TRPM5: variants seen among roughly 807,000 people sequenced by gnomAD.
TRPM5 encodes the protein transient receptor potential cation channel subfamily M member 5.
Under a neutral mutation model 124.9 loss-of-function variants are expected in TRPM5, and 121 were observed. The observed-to-expected ratio is 0.97, with a 90% CI of 0.84 to 1.13. The LOEUF (loss-of-function observed/expected upper bound fraction) is 1.13, where lower values mean the gene tolerates loss of function less well. Ranked by LOEUF, TRPM5 falls within the 50% of genes most tolerant of loss-of-function variation. The probability of loss-of-function intolerance (pLI) is 0.00; values close to 1 mark genes in which losing one functional copy is unlikely to be tolerated. For missense variants in TRPM5, 1,643 were observed against 1,589.1 expected (o/e 1.03, Z -0.58); for synonymous variants, 781 against 700.5 (o/e 1.11, Z -1.81).
At chr11:2,435,171 G>C in the TRPM5 span, among the ~76,000 whole-genome samples, 1 of 152,128 alleles carries the variant, frequency 6.6e-6, no homozygotes, top group Admixed American at 6.5e-5. This position sits in a 1 kb window ranked among gnomAD's most constrained non-coding sequence, Gnocchi z 4.1. Context: ...CAACAAGCAA[G>C]GGGATACGTG....
exon 16 of TRPM5, chr11:2,412,153 A>ATGAACAGGC: frequency 6.2e-7 from 1 of 1,613,414 alleles, no homozygotes; most frequent in Non-Finnish European, 8.5e-7. Context: ...GACACCCACG[A>ATGAACAGGC]TGAACAGGAA....
At chr11:2,406,029 A>G (rs1321866352) in exon 22 of TRPM5, 4 of 1,611,688 alleles carry the variant, frequency 2.5e-6, no homozygotes, top group Non-Finnish European at 3.4e-6. Context: ...CTGTGACTCC[A>G]GACACTTGAT....
the TRPM5 span, among the ~76,000 whole-genome samples, chr11:2,432,532 G>A: frequency 6.6e-6 from 1 of 152,226 alleles, no homozygotes; most frequent in Admixed American, 6.5e-5. Context: ...CCAGTGTCCA[G>A]GAGAGCGTGA....
chr11:2,418,579 A>G (rs754728653), exon 5 of TRPM5: 6 of 1,611,290 alleles, frequency 3.7e-6, no homozygotes, highest in Non-Finnish European at 5.1e-6. Context: ...AGGGATCTCG[A>G]TGCTGCCAGT....
exon 10 of TRPM5, chr11:2,414,998 AGGTCCAGCAGCCACTTCT>A: frequency 6.2e-7 from 1 of 1,605,668 alleles, no homozygotes; most frequent in Non-Finnish European, 8.5e-7. Context: ...CTTCTGGTTC[AGGTCCAGCAGCCACTTCT>A]GGCCCGTGGG....
chr11:2,428,605 G>A, the TRPM5 span, among the ~76,000 whole-genome samples: 318 of 151,574 alleles, frequency 2.1e-3, 5 homozygotes, highest in African/African-American at 7.4e-3. The surrounding 1 kb of genome is among the most constrained non-coding windows in gnomAD (Gnocchi z 4.0). Context: ...GAGGGTAGTT[G>A]GGGTGGTGAT....
chr11:2,415,214 G>A (rs1476939174), exon 9 of TRPM5: 2 of 1,578,720 alleles, frequency 1.3e-6, no homozygotes, highest in Non-Finnish European at 1.7e-6. Context: ...CCTCGTGCAG[G>A]GAGAAGGCCG....
chr11:2,414,739 C>T, exon 11 of TRPM5: 2 of 1,545,316 alleles, frequency 1.3e-6, no homozygotes, highest in Non-Finnish European at 8.7e-7. Context: ...TCGTATTTCG[C>T]CTCGCGCGTG....
At chr11:2,404,910 G>A (rs201519823) in exon 24 of TRPM5, 11 of 1,585,788 alleles carry the variant, frequency 6.9e-6, no homozygotes, top group Admixed American at 6.7e-5. Context: ...GAGGAGAGGT[G>A]GCCCCACACG....
the TRPM5 span, among the ~76,000 whole-genome samples, chr11:2,433,645 G>A: frequency 6.6e-6 from 1 of 152,264 alleles, no homozygotes; most frequent in Non-Finnish European, 1.5e-5. Flanking sequence ...GGGTGCGTAA[G>A]GCCTGAGCCA....
Position 2,411,600 on chromosome 11 carries a change from CTCCAGG to C in TRPM5, c.2607+29_2607+34del, listed in dbSNP as rs577583447. The C allele has an allele frequency of 3.6e-4, 578 of 1,611,842 alleles. 10 individuals are homozygous for C. In the South Asian group the frequency reaches 6.0e-3, roughly 17 times the overall value. ...GGGCCCAGGCAGGGGATTGCTGTCC[CTCCAGG>C]GCCAGGGCCAGGGCCCCCGGGGGCT... On this transcript the variant is annotated intron_variant, in intron 17 of 23. Transcript: ENST00000155858.
chr11:2,414,009 G>GGGGGGGGCCCCCC, intron 12 of TRPM5, 52 bp downstream of exon 17: 5 of 1,023,730 alleles, frequency 4.9e-6, no homozygotes, highest in Non-Finnish European at 7.2e-6. Flanking sequence ...GGCCCAGCTC[G>GGGGGGGGCCCCCC]CCCGCCCACC....
intron 20 of TRPM5, 131 bp from the exon 26 acceptor site, chr11:2,406,924 G>C (rs972360401): frequency 7.1e-7 from 1 of 1,402,268 alleles, no homozygotes; most frequent in African/African-American, 1.4e-5. Context: ...TGGAGGGCAA[G>C]CATGGCCCTG....
At chr11:2,433,930 T>C in the TRPM5 span, among the ~76,000 whole-genome samples, 2 of 152,166 alleles carry the variant, frequency 1.3e-5, no homozygotes, top group African/African-American at 4.8e-5. Flanking sequence ...TGTGGCTGTG[T>C]GTGGACACAG....
At chr11:2,406,575 T>C in intron 21 of TRPM5, 86 bp downstream of exon 26, 1 of 1,504,232 alleles carries the variant, frequency 6.6e-7, no homozygotes, top group Admixed American at 2.0e-5. Context: ...GTTCGCCAGC[T>C]CAGATCCTCT....
chr11:2,410,097 TG>T (rs373212625), intron 18 of TRPM5, among the ~76,000 whole-genome samples: 1 of 151,902 alleles, frequency 6.6e-6, no homozygotes, highest in African/African-American at 2.4e-5. Context: ...GAGGGCGAGG[TG>T]GGGTCGCAGG....
At chr11:2,405,455 C>T in intron 23 of TRPM5, 72 bp downstream of exon 28, 1 of 1,468,566 alleles carries the variant, frequency 6.8e-7, no homozygotes, top group Non-Finnish European at 9.3e-7. Flanking sequence ...ACAGCACAGC[C>T]TACGGCCCCC....
At position 2,409,485 on chromosome 11, in the gene TRPM5, C is replaced by T. The variant is rs140794200; in HGVS notation, c.2783-1573G>A. Among the ~76,000 whole-genome samples, 43 of 152,328 alleles carry T rather than the reference C, an allele frequency of 2.8e-4. No individual in the cohort carries two copies. The East Asian group carries it at 6.8e-3, about 24-fold the overall frequency. ...GGCCTGGAGACCCAGAGAACAAGCT[C>T]GTCACCACAGCTCAACCCCAGCTCC... On this transcript the variant is annotated intron_variant, in intron 18 of 23. Transcript: ENST00000155858.
chr11:2,435,541 G>A, the TRPM5 span, among the ~76,000 whole-genome samples: 5 of 151,228 alleles, frequency 3.3e-5, no homozygotes, highest in South Asian at 2.1e-4. This position sits in a 1 kb window ranked among gnomAD's most constrained non-coding sequence, Gnocchi z 4.1. Flanking sequence ...CCATCCACCC[G>A]TCTGTCTGTC....
Sources: gnomAD v4.1 joint callset for allele counts (sites outside exome capture counted in the v4.1 genomes callset) on GRCh38, gnomAD v4.1.1 for gene constraint, Gnocchi (gnomAD v3.1) non-coding constraint, MANE v1.5 for transcripts, NCBI Gene and HGNC (gene_info 2026-07-23, HGNC 2026-07-21) for gene names.